The following PDE6B variants were observed in gnomAD, a reference collection of about 807,000 sequenced individuals.
PDE6B encodes the protein phosphodiesterase 6B, also known as rod cGMP-specific 3',5'-cyclic phosphodiesterase subunit beta.
Under a neutral mutation model 109.0 loss-of-function variants are expected in PDE6B, and 106 were observed. The observed-to-expected ratio is 0.97, with a 90% CI of 0.83 to 1.14. The LOEUF (loss-of-function observed/expected upper bound fraction) is 1.14, where lower values mean the gene tolerates loss of function less well. PDE6B is among the 50% of genes most tolerant of loss of function. PDE6B has a pLI of 0.00. For missense variants in PDE6B, 1,193 were observed against 1,155.6 expected, an observed-to-expected ratio of 1.03 and a Z score of -0.47; for synonymous variants, 490 against 471.3, an observed-to-expected ratio of 1.04 and a Z score of -0.51.
rs373925141 is a variant in PDE6B, at chr4:663,132, C to T, written c.1865C>T (p.Ser622Phe). ...SQNPLAKLHG[S>F]SILERHHLEF... The stretch of plus-strand genomic sequence containing the variant: ...AACCCCTTGGCTAAGCTCCACGGCT[C>T]CTCGATTTTGGAGCGGCACCACCTG... Residue 622 changes from serine (S) to phenylalanine (F), a missense_variant, in exon 15 of 22, where the codon TCC (serine) becomes TTC (phenylalanine). Physicochemically the swap from Ser to Phe is radical, Grantham distance 155 (BLOSUM62 -2). Transcript: ENST00000496514. This position sits in a 1 kb window ranked among gnomAD's most constrained non-coding sequence, Gnocchi z 4.0. 4.3e-6 allele frequency: 7 copies of T among 1,612,602 alleles called. No homozygotes were observed. The highest frequency in any genetic ancestry group is 5.9e-6 in the Non-Finnish European group (7 of 1,178,726).
rs768215986 is a variant in PDE6B, at chr4:667,896, A to G, written c.2393A>G (p.Asp798Gly). The change falls in exon 21 of 22, where the codon GAC (aspartate) becomes GGC (glycine). Residue 798 changes from aspartate to glycine, a missense_variant. Transcript: ENST00000496514. ...RFHEEILPMF[D>G]RLQNNRKEWK... ...CACGAAGAGATCCTGCCCATGTTCGACCGACTGCAGAACAATAGGAAAGAG... is the reference window on the plus strand; with the variant it reads ...CACGAAGAGATCCTGCCCATGTTCGGCCGACTGCAGAACAATAGGAAAGAG... The G allele has an allele frequency of 6.2e-7, 1 of 1,613,532 alleles. No individual in the cohort carries two copies. Among genetic ancestry groups the G allele is most frequent in the South Asian group, 1.1e-5 (1 of 91,076 alleles).
intron 3 of PDE6B, among the ~76,000 whole-genome samples, chr4:637,790 C>T (rs771139643): frequency 7.9e-5 from 12 of 152,292 alleles, no homozygotes; most frequent in East Asian, 3.9e-4. Flanking sequence ...CCATCGCGCT[C>T]GAGCTGACGT....
Position 666,413 on chromosome 4 carries a change from G to C in PDE6B, c.2269-118G>C. 1.3e-6 allele frequency: 1 copy of C among 741,552 alleles called. No homozygotes were observed. The highest frequency in any genetic ancestry group is 2.5e-6 in the Non-Finnish European group (1 of 407,934). 45.9% of individuals were successfully genotyped at this position (741,552 alleles called of 1,614,324 possible). Reference sequence around the variant, plus strand: ...CCGAGAGCCAGTTTCTGTCAGGCAGGCTCGTCCCAGGCTGTGTCTCCATGA... The same window carrying C: ...CCGAGAGCCAGTTTCTGTCAGGCAGCCTCGTCCCAGGCTGTGTCTCCATGA... On this transcript the variant is annotated intron_variant, in intron 19 of 21. Coordinates refer to ENST00000496514, the MANE Select transcript of PDE6B (RefSeq NM_000283.4). The surrounding 1 kb of genome is among the most constrained non-coding windows in gnomAD (Gnocchi z 5.6).
Position 648,789 on chromosome 4 carries a change from G to A in PDE6B, c.712-5063G>A, listed in dbSNP as rs865938165. Among the ~76,000 whole-genome samples, 1 of 152,250 alleles carries A rather than the reference G, an allele frequency of 6.6e-6. No individual in the cohort carries two copies. The highest frequency in any genetic ancestry group is 1.5e-5 in the Non-Finnish European group (1 of 68,048). ...GAGCTGCAGCAAAGCTGCATGAAAGGCCTGTGGGTGCAGGGCTGCAGCTCT... is the reference window on the plus strand; with the variant it reads ...GAGCTGCAGCAAAGCTGCATGAAAGACCTGTGGGTGCAGGGCTGCAGCTCT... On this transcript the variant is annotated intron_variant, in intron 3 of 21. Coordinates refer to ENST00000496514, the MANE Select transcript of PDE6B (RefSeq NM_000283.4). This position sits in a 1 kb window ranked among gnomAD's most constrained non-coding sequence, Gnocchi z 4.5.
intron 3 of PDE6B, among the ~76,000 whole-genome samples, chr4:642,820 G>A (rs902612253): frequency 5.3e-5 from 8 of 149,744 alleles, no homozygotes; most frequent in Non-Finnish European, 1.0e-4. Context: ...TCTATTTCTA[G>A]TTTGCTAAGT....
chr4:663,690 C>T lies in PDE6B; in HGVS notation c.1921-80C>T. On this transcript the variant is annotated intron_variant, in intron 15 of 21. Coordinates refer to ENST00000496514, the MANE Select transcript of PDE6B (RefSeq NM_000283.4). The surrounding 1 kb of genome is among the most constrained non-coding windows in gnomAD (Gnocchi z 4.0). ...CGGGGGCGTGAGAGGCACAGGCAGC[C>T]GAGGCGGAAGGGGCGGGGTCCCCGG... 2.9e-6 allele frequency: 3 copies of T among 1,033,796 alleles called. No homozygotes were observed. The highest frequency in any genetic ancestry group is 3.0e-6 in the Non-Finnish European group (2 of 664,616). The allele number at this position is 1,033,796 out of a possible 1,614,324, so 64.0% of individuals were successfully genotyped here. A position where few individuals can be genotyped will look rare whatever the true frequency, so the allele number is the denominator to read the frequency against.
At position 659,604 on chromosome 4, in the gene PDE6B, CGT is replaced by C. The variant is rs896710802; in HGVS notation, c.1467+593_1467+594del. 6.9e-5 allele frequency among the ~76,000 whole-genome samples: 10 copies of C among 145,032 alleles called. No individual in the cohort carries two copies. In the East Asian group the frequency reaches 1.2e-3, roughly 17 times the overall value. On this transcript the variant is annotated intron_variant, in intron 11 of 21. Transcript: ENST00000496514. The stretch of plus-strand genomic sequence containing the variant: ...GTGTGCACATGTGGGTATGTGTGTG[CGT>C]GTGTGCATTGTATGAATGTGCACAT...
chr4:663,831 A>T lies in PDE6B; in HGVS notation c.1982A>T (p.Asp661Val). 1 of 1,612,266 alleles carries T rather than the reference A, an allele frequency of 6.2e-7. No individual in the cohort carries two copies. The highest frequency in any genetic ancestry group is 1.1e-5 in the South Asian group (1 of 91,066). The change falls in exon 16 of 22, where the codon GAC becomes GTC. Residue 661 changes from aspartate to valine, a missense_variant. By Grantham distance (152) the Asp-to-Val change is radical. Transcript: ENST00000496514. This position sits in a 1 kb window ranked among gnomAD's most constrained non-coding sequence, Gnocchi z 4.0. ...RQHEHVIHLM[D>V]IAIIATDLAL... ...CACGAGCACGTGATCCACCTGATGG[A>T]CATCGCCATCATCGCCACGGACCTG... is the stretch of plus-strand genomic sequence containing the variant.
At position 633,502 on chromosome 4, in the gene PDE6B, G is replaced by C. The variant is rs1324735478; in HGVS notation, c.469-1175G>C. On this transcript the variant is annotated intron_variant, in intron 1 of 21. Transcript: ENST00000496514. The surrounding 1 kb of genome is among the most constrained non-coding windows in gnomAD (Gnocchi z 4.5). ...CCTCTCAACCTTGCTGCAGGGGAAGGGGGTGGAGGGGAGTTGCGAGGAGTC... is the reference window on the plus strand; with the variant it reads ...CCTCTCAACCTTGCTGCAGGGGAAGCGGGTGGAGGGGAGTTGCGAGGAGTC... 1.3e-5 allele frequency among the ~76,000 whole-genome samples: 2 copies of C among 152,182 alleles called. No individual in the cohort carries two copies. The highest frequency in any genetic ancestry group is 2.9e-5 in the Non-Finnish European group (2 of 68,032).
intron 1 of PDE6B, among the ~76,000 whole-genome samples, chr4:630,918 G>A (rs1055200524): frequency 1.2e-4 from 19 of 152,236 alleles, no homozygotes; most frequent in Non-Finnish European, 2.4e-4. Flanking sequence ...GGGGCCAGTG[G>A]TGAAGGAGAG....
Position 663,976 on chromosome 4 carries a change from G to A in PDE6B, c.2021+106G>A, listed in dbSNP as rs545178231. 5.4e-6 allele frequency: 6 copies of A among 1,107,468 alleles called. No individual in the cohort carries two copies. Among genetic ancestry groups the A allele is most frequent in the Admixed American group, 2.0e-5 (1 of 50,596 alleles). 68.6% of individuals were successfully genotyped at this position (1,107,468 alleles called of 1,614,324 possible). On this transcript the variant is annotated intron_variant, in intron 16 of 21. Coordinates refer to ENST00000496514, the MANE Select transcript of PDE6B (RefSeq NM_000283.4). This position sits in a 1 kb window ranked among gnomAD's most constrained non-coding sequence, Gnocchi z 4.0. Reference sequence around the variant, plus strand: ...GGCACAGCCCGGGGGACGCAGCCCCGGATTCCGTCCCTGCCCGCCGGCCCC... The same window carrying A: ...GGCACAGCCCGGGGGACGCAGCCCCAGATTCCGTCCCTGCCCGCCGGCCCC...
Position 636,052 on chromosome 4 carries a change from G to A in PDE6B, c.711+83G>A. 1.2e-6 allele frequency: 1 copy of A among 839,474 alleles called. No homozygotes were observed. Among genetic ancestry groups the A allele is most frequent in the Non-Finnish European group, 2.1e-6 (1 of 483,736 alleles). 52.0% of individuals were successfully genotyped at this position (839,474 alleles called of 1,614,324 possible). A position where few individuals can be genotyped will look rare whatever the true frequency, so the allele number is the denominator to read the frequency against. On this transcript the variant is annotated intron_variant, in intron 3 of 21. Coordinates refer to ENST00000496514, the MANE Select transcript of PDE6B (RefSeq NM_000283.4). This position sits in a 1 kb window ranked among gnomAD's most constrained non-coding sequence, Gnocchi z 4.5. ...CGCTGCCTGCACAGAGGCGGGTGGT[G>A]GCAGGTGGTCTTGTGCTCACCTGGG...
chr4:669,736 CG>C (rs34358706), intron 21 of PDE6B, among the ~76,000 whole-genome samples: 3 of 105,004 alleles, frequency 2.9e-5, no homozygotes, highest in African/African-American at 4.8e-5. Context: ...ATGCTATTCC[CG>C]CTACCCCATG....
Position 657,000 on chromosome 4 carries a change from G to C in PDE6B, c.1234G>C (p.Glu412Gln), listed in dbSNP as rs769260729. Residue 412 changes from glutamate to glutamine, a missense_variant, in exon 9 of 22, where the codon GAA (glutamate) becomes CAA (glutamine). Coordinates refer to ENST00000496514, the MANE Select transcript of PDE6B (RefSeq NM_000283.4). ...CAGGAAAGACGGGAAGCCCTTTGAC[G>C]AACAGGACGAGGTTCTCATGGAGGT... ...YNRKDGKPFDEQDEVLMESLT... is the reference protein window; with the variant it reads ...YNRKDGKPFDQQDEVLMESLT... 1.2e-6 allele frequency: 2 copies of C among 1,613,250 alleles called. No homozygotes were observed. Among genetic ancestry groups the C allele is most frequent in the African/African-American group, 1.3e-5 (1 of 75,060 alleles).
intron 7 of PDE6B, 107 bp downstream of exon 7, chr4:656,113 G>T: frequency 9.9e-7 from 1 of 1,007,264 alleles, no homozygotes; most frequent in East Asian, 2.4e-5. Flanking sequence ...CCAGCTCCAC[G>T]TGCCTCAGTG....
At position 633,206 on chromosome 4, in the gene PDE6B, G is replaced by A. The variant is rs1439524479; in HGVS notation, c.469-1471G>A. On this transcript the variant is annotated intron_variant, in intron 1 of 21. Transcript: ENST00000496514. This position sits in a 1 kb window ranked among gnomAD's most constrained non-coding sequence, Gnocchi z 4.5. ...AGATGAGCCCTCAGGGGTTGCAGGT[G>A]GTGAGATGAGCCCTCCCTCAGGGCC... Among the ~76,000 whole-genome samples, 1 of 152,108 alleles carries A rather than the reference G, an allele frequency of 6.6e-6. No individual in the cohort carries two copies. Among genetic ancestry groups the A allele is most frequent in the Non-Finnish European group, 1.5e-5 (1 of 68,012 alleles).
chr4:662,676 G>T lies in PDE6B; in HGVS notation c.1832+58G>T. ...CCTAAATCAACTCCACGCCCTTGGC[G>T]TGAATTAGGCTTCGCATAGCAGGCT... is the stretch of plus-strand genomic sequence containing the variant. On this transcript the variant is annotated intron_variant, in intron 14 of 21. Coordinates refer to ENST00000496514, the MANE Select transcript of PDE6B (RefSeq NM_000283.4). The surrounding 1 kb of genome is among the most constrained non-coding windows in gnomAD (Gnocchi z 4.3). 1 of 1,100,616 alleles carries T rather than the reference G, an allele frequency of 9.1e-7. No individual in the cohort carries two copies. Among genetic ancestry groups the T allele is most frequent in the Non-Finnish European group, 1.4e-6 (1 of 712,984 alleles). 68.2% of individuals were successfully genotyped at this position (1,100,616 alleles called of 1,614,324 possible).
intron 18 of PDE6B, 42 bp downstream of exon 18, chr4:664,986 C>T (rs996796560): frequency 1.3e-6 from 2 of 1,486,040 alleles, no homozygotes; most frequent in Admixed American, 1.7e-5. Flanking sequence ...CAGTGCCTCT[C>T]AGCACATGGG....
Position 654,964 on chromosome 4 carries a change from G to A in PDE6B, c.992+76G>A, listed in dbSNP as rs540363860. 2,761 of 894,962 alleles carry A rather than the reference G, an allele frequency of 3.1e-3. 7 individuals carry two copies. The highest frequency in any genetic ancestry group is 9.9e-3 in the Middle Eastern group (41 of 4,132). 55.4% of individuals were successfully genotyped at this position (894,962 alleles called of 1,614,324 possible). A position where few individuals can be genotyped will look rare whatever the true frequency, so the allele number is the denominator to read the frequency against. ...AGACCCCGGCTCAGCCCCCAGGGCC[G>A]TCCTCCCAGGGCTTCCCACGGTGCA... On this transcript the variant is annotated intron_variant, in intron 6 of 21. Coordinates refer to ENST00000496514, the MANE Select transcript of PDE6B (RefSeq NM_000283.4).
Sources: allele counts gnomAD v4.1 joint callset (sites outside exome capture counted in the v4.1 genomes callset), GRCh38; gene constraint gnomAD v4.1.1; non-coding constraint Gnocchi (gnomAD v3.1); transcripts MANE v1.5; gene names NCBI Gene and HGNC (gene_info 2026-07-23, HGNC 2026-07-21).